The following LRCOL1 variants were observed in gnomAD, a reference collection of about 807,000 sequenced individuals.
LRCOL1 encodes the protein leucine rich colipase like 1, also known as leucine-rich colipase-like protein 1.
A neutral mutation model predicts 21.6 loss-of-function variants in LRCOL1; 21 were observed. That is an observed-to-expected ratio of 0.97 (90% CI 0.69 to 1.40). LRCOL1 has a LOEUF of 1.40. Ranked by LOEUF, LRCOL1 falls within the 40% of genes most tolerant of loss-of-function variation. The pLI, the probability that LRCOL1 is intolerant of heterozygous loss-of-function variation, is 0.00. For missense variants in LRCOL1, 198 were observed against 202.3 expected (o/e 0.98, Z 0.13); for synonymous variants, 98 against 90.1 (o/e 1.09, Z -0.49).
intron 1 of LRCOL1, among the ~76,000 whole-genome samples, chr12:132,608,892 C>T (rs1425691586): frequency 6.6e-6 from 1 of 152,192 alleles, no homozygotes; most frequent in East Asian, 1.9e-4. Flanking sequence ...TCACAGGCTT[C>T]GTTTCCAAAT....
chr12:132,604,433 T>TCCATCTGCC (rs1195855356), intron 4 of LRCOL1, 29 bp downstream of exon 4: 1 of 1,530,502 alleles, frequency 6.5e-7, no homozygotes, highest in African/African-American at 1.4e-5. Context: ...CTACCCCTGC[T>TCCATCTGCC]CCATCTGCCC....
chr12:132,605,495 G>T (rs572520120), intron 2 of LRCOL1, among the ~76,000 whole-genome samples: 1 of 152,358 alleles, frequency 6.6e-6, no homozygotes, highest in Admixed American at 6.5e-5. Flanking sequence ...TTGGGAGGGT[G>T]AGGCCGGTGG....
chr12:132,603,707 G>A (rs1466799680), intron 5 of LRCOL1: 2 of 985,306 alleles, frequency 2.0e-6, no homozygotes, highest in East Asian at 1.1e-4. Context: ...ACCCCAGACG[G>A]GAGCTCTGGG....
intron 1 of LRCOL1, among the ~76,000 whole-genome samples, chr12:132,608,968 T>A (rs2041345401): frequency 6.6e-6 from 1 of 152,192 alleles, no homozygotes; most frequent in South Asian, 2.1e-4. Flanking sequence ...CTGCCTGTGC[T>A]GGGAAAGTCC....
chr12:132,605,226 C>A (rs970268392), intron 2 of LRCOL1: 9 of 732,554 alleles, frequency 1.2e-5, no homozygotes, highest in Admixed American at 6.3e-5. Context: ...AGGCCTCCCC[C>A]CTGCACCACG....
rs1262750748 is a variant in LRCOL1 at position 132,606,929 on chromosome 12, T to C, written c.-13-665A>G. On this transcript the variant is annotated intron_variant, in intron 1 of 5. Transcript: ENST00000376608. The surrounding 1 kb of genome is among the most constrained non-coding windows in gnomAD (Gnocchi z 4.6). Reference sequence around the variant, plus strand: ...ACACATCGAGGCAAAACGTGAAAAATGGATTTTGAAGAAGACTTTTCCCAG... The same window carrying C: ...ACACATCGAGGCAAAACGTGAAAAACGGATTTTGAAGAAGACTTTTCCCAG... Among the ~76,000 whole-genome samples the C allele has an allele frequency of 1.3e-5, 2 of 151,838 alleles. No individual in the cohort carries two copies. The highest frequency in any genetic ancestry group is 2.4e-5 in the African/African-American group (1 of 41,326).
intron 1 of LRCOL1, among the ~76,000 whole-genome samples, chr12:132,607,611 C>T (rs1186624585): frequency 6.6e-6 from 1 of 151,806 alleles, no homozygotes; most frequent in Non-Finnish European, 1.5e-5. Flanking sequence ...CTGTCTCTCC[C>T]TGTCTCTCTG....
intron 2 of LRCOL1, among the ~76,000 whole-genome samples, chr12:132,605,393 C>A (rs536628031): frequency 3.9e-4 from 60 of 152,292 alleles, no homozygotes; most frequent in African/African-American, 1.3e-3. Context: ...AACAGTAATC[C>A]CATTGCATGT....
intron 1 of LRCOL1, among the ~76,000 whole-genome samples, chr12:132,607,671 C>T (rs2041326191): frequency 6.7e-6 from 1 of 148,946 alleles, no homozygotes; most frequent in Non-Finnish European, 1.5e-5. Flanking sequence ...CTGTCTCTTT[C>T]TGTCTCTGTC....
In LRCOL1 at chr12:132,604,248, A is replaced by G; in HGVS notation, c.477+6T>C. The G allele has an allele frequency of 6.5e-7, 1 of 1,531,124 alleles. No individual in the cohort carries two copies. The highest frequency in any genetic ancestry group is 1.4e-5 in the African/African-American group (1 of 73,100). The allele number at this position is 1,531,124 out of a possible 1,614,324, so 94.8% of individuals were successfully genotyped here. ...CCTGGAGGCTGAGCCCCCGCCCGGGACTTACCAGGGGCAGGCACTGGGCCA... is the reference window on the plus strand; with the variant it reads ...CCTGGAGGCTGAGCCCCCGCCCGGGGCTTACCAGGGGCAGGCACTGGGCCA... On this transcript the variant is annotated splice_donor_region_variant and intron_variant, in intron 5 of 5. Transcript: ENST00000376608.
At chr12:132,603,736 T>TG in intron 5 of LRCOL1, 1 of 985,376 alleles carries the variant, frequency 1.0e-6, no homozygotes, top group Non-Finnish European at 1.2e-6. Flanking sequence ...AACACGCACT[T>TG]GCGCCCCCAC....
intron 5 of LRCOL1, 102 bp downstream of exon 5, chr12:132,604,152 C>T (rs1369235999): frequency 1.4e-6 from 2 of 1,454,414 alleles, no homozygotes; most frequent in South Asian, 1.4e-5. Context: ...TCAGAGCCCA[C>T]CTCTCACAGC....
chr12:132,607,211 G>C (rs1029175032), intron 1 of LRCOL1, among the ~76,000 whole-genome samples: 2 of 152,294 alleles, frequency 1.3e-5, no homozygotes, highest in Non-Finnish European at 2.9e-5. Flanking sequence ...ACCCTTCCTC[G>C]GGACTCTTCC....
chr12:132,603,247 C>G lies in LRCOL1; in HGVS notation c.*155G>C. 1 of 1,183,264 alleles carries G rather than the reference C, an allele frequency of 8.5e-7. No individual in the cohort carries two copies. Among genetic ancestry groups the G allele is most frequent in the Non-Finnish European group, 1.2e-6 (1 of 846,598 alleles). 73.3% of individuals were successfully genotyped at this position (1,183,264 alleles called of 1,614,324 possible). A position where few individuals can be genotyped will look rare whatever the true frequency, so the allele number is the denominator to read the frequency against. On this transcript the variant is annotated 3_prime_UTR_variant, in exon 6 of 6. Coordinates refer to ENST00000376608, the MANE Select transcript of LRCOL1 (RefSeq NM_001195520.2). ...AGACACTTCGCGCCACCAGGCTGGT[C>G]ACAGCCTTTCAGTTCCCACAGATTT... is the stretch of plus-strand genomic sequence containing the variant.
chr12:132,604,280 C>T lies in LRCOL1; in HGVS notation c.451G>A (p.Gly151Arg), dbSNP rs946253467. 8.5e-6 allele frequency: 13 copies of T among 1,535,206 alleles called. No individual in the cohort carries two copies. The highest frequency in any genetic ancestry group is 2.4e-5 in the East Asian group (1 of 40,902). Reference sequence around the variant, plus strand: ...AGGGGCAGGCACTGGGCCAGGATCCCGGTCCGGGGAATGCAGCGGAAGGGG... The same window carrying T: ...AGGGGCAGGCACTGGGCCAGGATCCTGGTCCGGGGAATGCAGCGGAAGGGG... Reference protein sequence around the residue: ...YSPFRCIPRTGILAQCLPL With the variant: ...YSPFRCIPRTRILAQCLPL Residue 151 changes from glycine (G) to arginine (R), a missense_variant, in exon 5 of 6, where the codon GGG becomes AGG. Physicochemically the swap from Gly to Arg is moderately radical, Grantham distance 125. Transcript: ENST00000376608.
At chr12:132,603,464 AAGG>A in intron 5 of LRCOL1, 60 bp from the exon 6 acceptor site, 2 of 1,535,872 alleles carry the variant, frequency 1.3e-6, no homozygotes, top group Non-Finnish European at 1.7e-6. Flanking sequence ...GCGGCCGCGG[AAGG>A]AGGACGGGAA....
Position 132,604,450 on chromosome 12 carries a change from C to T in LRCOL1, c.354+12G>A, listed in dbSNP as rs2041274304. On this transcript the variant is annotated intron_variant, in intron 4 of 5. Coordinates refer to ENST00000376608, the MANE Select transcript of LRCOL1 (RefSeq NM_001195520.2). Reference sequence around the variant, plus strand: ...ACCCCTGCTCCATCTGCCCCGGGTGCCCGCAGCTCACCTTGCGCCAGGGCA... The same window carrying T: ...ACCCCTGCTCCATCTGCCCCGGGTGTCCGCAGCTCACCTTGCGCCAGGGCA... The T allele has an allele frequency of 6.5e-7, 1 of 1,528,528 alleles. No homozygotes were observed. Among genetic ancestry groups the T allele is most frequent in the African/African-American group, 1.5e-5 (1 of 68,642 alleles). 94.7% of individuals were successfully genotyped at this position (1,528,528 alleles called of 1,614,324 possible).
intron 2 of LRCOL1, among the ~76,000 whole-genome samples, chr12:132,605,612 C>G (rs925971559): frequency 2.0e-5 from 3 of 151,926 alleles, no homozygotes; most frequent in Admixed American, 6.6e-5. Flanking sequence ...GCCTGTAATC[C>G]CAGCTACTCG....
chr12:132,609,265 G>T (rs1299002937), intron 1 of LRCOL1, among the ~76,000 whole-genome samples: 1 of 152,232 alleles, frequency 6.6e-6, no homozygotes, highest in Non-Finnish European at 1.5e-5. Flanking sequence ...TACGATGGTG[G>T]TGCCCAGGGC....
Sources: allele counts gnomAD v4.1 joint callset (sites outside exome capture counted in the v4.1 genomes callset), GRCh38; gene constraint gnomAD v4.1.1; non-coding constraint Gnocchi (gnomAD v3.1); transcripts MANE v1.5; gene names NCBI Gene and HGNC (gene_info 2026-07-23, HGNC 2026-07-21).